The following NHSL1 variants were observed in gnomAD, a reference collection of about 807,000 sequenced individuals.
The protein encoded by NHSL1 is NHS-like protein 1.
In NHSL1, 48 loss-of-function variants were observed where a neutral mutation model predicts 95.0. The ratio of observed to expected loss-of-function variants is 0.51; its 90% CI spans 0.40 to 0.64. The LOEUF (loss-of-function observed/expected upper bound fraction) is 0.64, where lower values mean the gene tolerates loss of function less well. NHSL1 is among the 30% of genes least tolerant of loss of function. The pLI, the probability that NHSL1 is intolerant of heterozygous loss-of-function variation, is 0.00. For synonymous variants in NHSL1, 783 were observed against 833.9 expected, an observed-to-expected ratio of 0.94 and a Z score of 1.05; for missense variants, 1,971 against 2,077.7, an observed-to-expected ratio of 0.95 and a Z score of 1.00.
At chr6:138,561,419 C>A (rs1160747113) in intron 1 of NHSL1, among the ~76,000 whole-genome samples, 4 of 152,146 alleles carry the variant, frequency 2.6e-5, no homozygotes. Context: ...CATTCACTAC[C>A]ATTCCCAATA....
chr6:138,554,320 C>CA (rs1000880917), intron 1 of NHSL1, among the ~76,000 whole-genome samples: 2 of 151,976 alleles, frequency 1.3e-5, no homozygotes, highest in African/African-American at 4.8e-5. Context: ...CTCCACCCAC[C>CA]AAAAAAAGTC....
At position 138,433,544 on chromosome 6, in the gene NHSL1, CTCCG is replaced by C; in HGVS notation, c.797_800del (p.Thr266ArgfsTer3). The C allele has an allele frequency of 6.4e-7, 1 of 1,551,986 alleles. No individual in the cohort carries two copies. Among genetic ancestry groups the C allele is most frequent in the Non-Finnish European group, 8.7e-7 (1 of 1,147,066 alleles). ...TGGAAGGTGGTACGACCTTCACATC[CTCCG>C]TCTGACAGCTGGAGTCCCTGGTTTC... On this transcript the variant is annotated frameshift_variant, in exon 6 of 8. Coordinates refer to ENST00000343505, the MANE Select transcript of NHSL1 (RefSeq NM_001144060.2). LOFTEE classifies it high-confidence loss of function.
intron 1 of NHSL1, among the ~76,000 whole-genome samples, chr6:138,524,282 A>G (rs928529201): frequency 6.6e-6 from 1 of 152,232 alleles, no homozygotes; most frequent in African/African-American, 2.4e-5. Context: ...CAAATTATGT[A>G]TGCAGCTCAA....
chr6:138,623,266 C>T (rs999416982), intron 1 of NHSL1, among the ~76,000 whole-genome samples: 1 of 152,146 alleles, frequency 6.6e-6, no homozygotes, highest in African/African-American at 2.4e-5. Flanking sequence ...ACAGGGAGCT[C>T]TGCTCAGAAA....
chr6:138,557,178 C>T (rs1038646316), intron 1 of NHSL1, among the ~76,000 whole-genome samples: 5 of 152,150 alleles, frequency 3.3e-5, no homozygotes, highest in Non-Finnish European at 7.3e-5. Context: ...TTTATTCCAC[C>T]GTACCAAAAC....
At chr6:138,489,853 G>GGGGAGA (rs1779943398) in intron 2 of NHSL1, among the ~76,000 whole-genome samples, 1 of 36,964 alleles carries the variant, frequency 2.7e-5, no homozygotes, top group Admixed American at 2.9e-4. Context: ...AGGGAGAGAG[G>GGGGAGA]GAGAGAGAGA....
At chr6:138,540,642 G>A (rs533664840) in intron 1 of NHSL1, among the ~76,000 whole-genome samples, 15 of 152,360 alleles carry the variant, frequency 9.8e-5, no homozygotes, top group African/African-American at 2.6e-4. Context: ...GATAGAGTTA[G>A]TTTCTAATAT....
rs761393458 is a variant in NHSL1, at chr6:138,431,542, CAGG to C, written c.2800_2802del (p.Pro934del). 773 of 1,544,038 alleles carry C rather than the reference CAGG, an allele frequency of 5.0e-4. No individual in the cohort carries two copies. Among genetic ancestry groups the C allele is most frequent in the Non-Finnish European group, 5.5e-4 (627 of 1,141,204 alleles). On this transcript the variant is annotated inframe_deletion, in exon 6 of 8. Transcript: ENST00000343505. The surrounding 1 kb of genome is among the most constrained non-coding windows in gnomAD (Gnocchi z 4.0). ...GGACAAGGGAATGGAGGAGAGGGAA[CAGG>C]AGGAGGAGGAGGAGCCGGGGGAGAG... is the stretch of plus-strand genomic sequence containing the variant.
intron 3 of NHSL1, among the ~76,000 whole-genome samples, chr6:138,471,852 A>C (rs1778772212): frequency 2.0e-5 from 3 of 152,188 alleles, no homozygotes; most frequent in Non-Finnish European, 2.9e-5. Context: ...CCATAAATGT[A>C]TATAATTATG....
At chr6:138,616,229 T>C (rs1187608754) in intron 1 of NHSL1, among the ~76,000 whole-genome samples, 3 of 152,206 alleles carry the variant, frequency 2.0e-5, no homozygotes, top group Non-Finnish European at 4.4e-5. Context: ...ACGCAGACTA[T>C]ATACATTGCG....
In NHSL1 at chr6:138,473,374, T is replaced by G; in HGVS notation, c.271A>C (p.Thr91Pro). 1 of 1,548,930 alleles carries G rather than the reference T, an allele frequency of 6.5e-7. No individual in the cohort carries two copies. The highest frequency in any genetic ancestry group is 1.2e-5 in the South Asian group (1 of 83,648). ...RSSQYYSQGPTFAANASPFCD... is the reference protein window; with the variant it reads ...RSSQYYSQGPPFAANASPFCD... ...AATGGGCTGGCGTTGGCCGCAAAGG[T>G]GGGTCCCTGAGAGTAGTACTGAGAA... The change falls in exon 3 of 8, where the codon ACC (threonine) becomes CCC (proline). Residue 91 changes from threonine to proline, a missense_variant. Physicochemically the swap from Thr to Pro is conservative, Grantham distance 38 (BLOSUM62 -1). Coordinates refer to ENST00000343505, the MANE Select transcript of NHSL1 (RefSeq NM_001144060.2).
intron 1 of NHSL1, among the ~76,000 whole-genome samples, chr6:138,570,092 T>C (rs1783784005): frequency 6.6e-6 from 1 of 152,196 alleles, no homozygotes; most frequent in Non-Finnish European, 1.5e-5. Flanking sequence ...ATTTCCCAAC[T>C]AAAACTAATA....
At chr6:138,541,665 T>C (rs1370440908) in intron 1 of NHSL1, among the ~76,000 whole-genome samples, 1 of 152,216 alleles carries the variant, frequency 6.6e-6, no homozygotes, top group Non-Finnish European at 1.5e-5. Flanking sequence ...TTGACTGCAG[T>C]GAACTAAGTT....
At chr6:138,577,034 C>T (rs1054111433), upstream of NHSL1, among the ~76,000 whole-genome samples, 6 of 152,150 alleles carry the variant, frequency 3.9e-5, no homozygotes, top group Admixed American at 3.9e-4. Context: ...AAGTCAAATG[C>T]CCATGAATTT....
intron 2 of NHSL1, among the ~76,000 whole-genome samples, chr6:138,481,811 C>A (rs747887171): frequency 4.6e-5 from 7 of 152,160 alleles, no homozygotes; most frequent in African/African-American, 7.2e-5. Context: ...AAGTATTAAA[C>A]TCAAATTTGC....
chr6:138,582,583 T>G (rs1303592250), intron 1 of NHSL1, among the ~76,000 whole-genome samples: 1 of 152,218 alleles, frequency 6.6e-6, no homozygotes, highest in East Asian at 1.9e-4. Flanking sequence ...CCTAAGGTTC[T>G]GAGCTGAGCA....
chr6:138,524,678 T>A (rs1671966579), intron 1 of NHSL1, among the ~76,000 whole-genome samples: 2 of 152,124 alleles, frequency 1.3e-5, no homozygotes, highest in Non-Finnish European at 2.9e-5. Flanking sequence ...ACATTAAGTA[T>A]CTCGTTATGG....
chr6:138,650,393 G>A (rs747683280), intron 1 of NHSL1: 17 of 1,413,876 alleles, frequency 1.2e-5, no homozygotes, highest in Middle Eastern at 1.8e-4. Flanking sequence ...CCATGAGGTC[G>A]CCGACTAGCA....
chr6:138,607,336 T>C (rs1784448342), intron 1 of NHSL1, among the ~76,000 whole-genome samples: 1 of 152,132 alleles, frequency 6.6e-6, no homozygotes, highest in Non-Finnish European at 1.5e-5. Context: ...AAATATACTA[T>C]CATCGGACAA....
Sources: allele counts gnomAD v4.1 joint callset (sites outside exome capture counted in the v4.1 genomes callset), GRCh38; gene constraint gnomAD v4.1.1; non-coding constraint Gnocchi (gnomAD v3.1); transcripts MANE v1.5; gene names NCBI Gene and HGNC (gene_info 2026-07-23, HGNC 2026-07-21).